ABR: variants seen among roughly 807,000 people sequenced by gnomAD.
The protein encoded by ABR is active breakpoint cluster region-related protein.
ABR carries 35 observed loss-of-function variants against 107.2 expected under a neutral mutation model. That is an observed-to-expected ratio of 0.33 (90% CI 0.25 to 0.43). ABR has a LOEUF of 0.43. Ranked by LOEUF, ABR falls within the 20% of genes least tolerant of loss-of-function variation. The pLI is 1.00. For missense variants in ABR, 815 were observed against 1,115.2 expected, an observed-to-expected ratio of 0.73 and a Z score of 3.83; for synonymous variants, 498 against 462.0, an observed-to-expected ratio of 1.08 and a Z score of -1.00.
intron 1 of ABR, among the ~76,000 whole-genome samples, chr17:1,174,884 A>G (rs962220047): frequency 4.6e-5 from 7 of 152,088 alleles, no homozygotes; most frequent in Admixed American, 6.6e-5. Flanking sequence ...CAGATGATCA[A>G]CCTGCCTGGG....
chr17:1,193,271 C>T (rs1190247416), intron 1 of ABR, among the ~76,000 whole-genome samples: 2 of 148,820 alleles, frequency 1.3e-5, no homozygotes, highest in African/African-American at 2.4e-5. Context: ...TGGGACACCC[C>T]CTCCCCCTCA....
upstream of ABR, among the ~76,000 whole-genome samples, chr17:1,184,595 C>T (rs900098842): frequency 5.3e-5 from 8 of 152,148 alleles, no homozygotes; most frequent in Non-Finnish European, 1.0e-4. Flanking sequence ...TTCTGCCGAG[C>T]GCCCAGCAGA....
At chr17:1,107,117 A>G (rs1289634180) in intron 2 of ABR, among the ~76,000 whole-genome samples, 1 of 152,280 alleles carries the variant, frequency 6.6e-6, no homozygotes, top group Non-Finnish European at 1.5e-5. Flanking sequence ...ACTCCCCGGC[A>G]TTCGAGAAAG....
At chr17:1,007,722 G>C (rs1310912718) in intron 21 of ABR, among the ~76,000 whole-genome samples, 2 of 151,914 alleles carry the variant, frequency 1.3e-5, no homozygotes, top group Non-Finnish European at 2.9e-5. Flanking sequence ...GAAGTACAGA[G>C]GGGTTAAGTG....
At chr17:1,093,286 T>C (rs1015228472) in intron 3 of ABR, among the ~76,000 whole-genome samples, 2 of 151,890 alleles carry the variant, frequency 1.3e-5, no homozygotes, top group African/African-American at 4.8e-5. Flanking sequence ...CTGACCAACA[T>C]GGTGAAACCC....
At position 1,065,828 on chromosome 17, in the gene ABR, C is replaced by G. The variant is rs143221633; in HGVS notation, c.1182+1249G>C. Among the ~76,000 whole-genome samples the G allele has an allele frequency of 4.9e-3, 734 of 151,110 alleles. 7 individuals carry two copies. Among genetic ancestry groups the G allele is most frequent in the African/African-American group, 0.017 (712 of 41,222 alleles). ...CAGCGGAATCTCAGCTCAATGCAAC[C>G]TCTGCCTCCCAGGTTCAAGCAATTC... On this transcript the variant is annotated intron_variant, in intron 10 of 22. Coordinates refer to ENST00000302538, the MANE Select transcript of ABR (RefSeq NM_021962.5).
rs2035235336 is a variant in ABR, at chr17:1,071,499, GTAC to G, written c.894+1112_894+1114del. Among the ~76,000 whole-genome samples the G allele has an allele frequency of 6.6e-6, 1 of 152,208 alleles. No homozygotes were observed. The highest frequency in any genetic ancestry group is 6.5e-5 in the Admixed American group (1 of 15,282). The stretch of plus-strand genomic sequence containing the variant: ...GCAACTGTCCCTCTCATGCTTCCTG[GTAC>G]TCCCCTTGCTGGGCTGTCCCCACCC... On this transcript the variant is annotated intron_variant, in intron 8 of 22. Transcript: ENST00000302538. The surrounding 1 kb of genome is among the most constrained non-coding windows in gnomAD (Gnocchi z 5.1).
Position 1,179,704 on chromosome 17 carries a change from G to A in ABR, c.24C>T (p.Gly8=). 8 of 1,556,042 alleles carry A rather than the reference G, an allele frequency of 5.1e-6. No individual in the cohort carries two copies. The highest frequency in any genetic ancestry group is 6.9e-6 in the Non-Finnish European group (8 of 1,151,312). The change falls in exon 1 of 23, where the codon GGC becomes GGT. Residue 8 remains glycine, a synonymous_variant. Transcript: ENST00000302538. This position sits in a 1 kb window ranked among gnomAD's most constrained non-coding sequence, Gnocchi z 4.9. MEPLSHR[G]LPRLSWIDTL... ...TGTCGATCCAGGACAGGCGCGGCAG[G>A]CCCCGGTGGCTGAGCGGCTCCATCC...
chr17:1,118,344 C>T (rs1403156660), intron 2 of ABR, among the ~76,000 whole-genome samples: 3 of 30,896 alleles, frequency 9.7e-5, no homozygotes, highest in Admixed American at 3.6e-4. Flanking sequence ...GTCCTCCCAG[C>T]ATTATCCCTG....
At chr17:1,057,870 G>T in intron 12 of ABR, 100 bp downstream of exon 12, 1 of 1,096,680 alleles carries the variant, frequency 9.1e-7, no homozygotes, top group Non-Finnish European at 1.4e-6. Flanking sequence ...GTGACTGCGA[G>T]GGCCAAAGAC....
At chr17:1,171,990 G>T (rs118032366) in intron 1 of ABR, among the ~76,000 whole-genome samples, 1 of 152,168 alleles carries the variant, frequency 6.6e-6, no homozygotes, top group African/African-American at 2.4e-5. Flanking sequence ...CCACAGAGCC[G>T]ACCACATCTG....
rs751477530 is a variant in ABR, at chr17:1,046,567, G to A, written c.1791+3483C>T. 3.5e-4 allele frequency among the ~76,000 whole-genome samples: 54 copies of A among 152,162 alleles called. 1 individual carries two copies. The highest frequency in any genetic ancestry group is 4.4e-4 in the Non-Finnish European group (30 of 68,036). On this transcript the variant is annotated intron_variant, in intron 16 of 22. Coordinates refer to ENST00000302538, the MANE Select transcript of ABR (RefSeq NM_021962.5). ...CGTGCTCCTCTCCTTCCTCCCAGGG[G>A]CACCAGGCACAAGTGTCCCCTGCCC... is the stretch of plus-strand genomic sequence containing the variant.
At chr17:1,197,209 C>T (rs2042587419) in intron 1 of ABR, among the ~76,000 whole-genome samples, 1 of 151,696 alleles carries the variant, frequency 6.6e-6, no homozygotes, top group South Asian at 2.1e-4. Flanking sequence ...TAAGGAGAGT[C>T]ACTCCTATTT....
At chr17:1,140,535 C>T (rs1290273466) in intron 1 of ABR, among the ~76,000 whole-genome samples, 1 of 152,164 alleles carries the variant, frequency 6.6e-6, no homozygotes, top group Non-Finnish European at 1.5e-5. Context: ...AAATCTACCA[C>T]CTCACCTACA....
intron 1 of ABR, among the ~76,000 whole-genome samples, chr17:1,198,028 G>C (rs905291095): frequency 6.6e-6 from 1 of 151,718 alleles, no homozygotes; most frequent in Non-Finnish European, 1.5e-5. Flanking sequence ...GTTCTTTGGG[G>C]GCCCTAAAGG....
chr17:1,011,583 T>C lies in ABR; in HGVS notation c.2101+263A>G, dbSNP rs530277980. On this transcript the variant is annotated intron_variant, in intron 19 of 22. Coordinates refer to ENST00000302538, the MANE Select transcript of ABR (RefSeq NM_021962.5). This position sits in a 1 kb window ranked among gnomAD's most constrained non-coding sequence, Gnocchi z 4.8. ...AGACACTGGAGTCAGATCTGAGTTT[T>C]AAGTCCAGAACCAAAACCTACAAGT... 1.2e-5 allele frequency: 4 copies of C among 329,744 alleles called. No individual in the cohort carries two copies. The South Asian group carries it at 4.4e-4, about 36-fold the overall frequency. 20.4% of individuals were successfully genotyped at this position (329,744 alleles called of 1,614,324 possible). A position where few individuals can be genotyped will look rare whatever the true frequency, so the allele number is the denominator to read the frequency against.
chr17:1,171,494 C>T (rs537915482), intron 1 of ABR, among the ~76,000 whole-genome samples: 6 of 152,298 alleles, frequency 3.9e-5, no homozygotes, highest in African/African-American at 1.4e-4. Flanking sequence ...GCTTCCTTGG[C>T]TCTGGTTTAC....
At chr17:1,024,779 C>A (rs568917590) in intron 16 of ABR, among the ~76,000 whole-genome samples, 1,230 of 52,282 alleles carry the variant, frequency 0.024, 38 homozygotes, top group South Asian at 0.15. Flanking sequence ...GAGTGAGACT[C>A]CCACAAAAAA....
intron 2 of ABR, among the ~76,000 whole-genome samples, chr17:1,106,475 G>A (rs1002358226): frequency 6.6e-6 from 1 of 151,042 alleles, no homozygotes; most frequent in African/African-American, 2.4e-5. Context: ...CACTAGAAGT[G>A]GTCCCTTCTC....
Sources: gnomAD v4.1 joint callset for allele counts (sites outside exome capture counted in the v4.1 genomes callset) on GRCh38, gnomAD v4.1.1 for gene constraint, Gnocchi (gnomAD v3.1) non-coding constraint, MANE v1.5 for transcripts, NCBI Gene and HGNC (gene_info 2026-07-23, HGNC 2026-07-21) for gene names.